SLC35F1: variants seen among roughly 807,000 people sequenced by gnomAD.
The protein encoded by SLC35F1 is chromosome 6 open reading frame 169.
A neutral mutation model predicts 48.7 loss-of-function variants in SLC35F1; 14 were observed. The ratio of observed to expected loss-of-function variants is 0.29; its 90% confidence interval spans 0.19 to 0.45. SLC35F1 has a LOEUF of 0.45. SLC35F1 is among the 20% of genes least tolerant of loss of function. The probability of loss-of-function intolerance (pLI) is 1.00; values close to 1 mark genes in which losing one functional copy is unlikely to be tolerated. For missense variants in SLC35F1, 404 were observed against 500.0 expected (o/e 0.81, Z 1.83); for synonymous variants, 190 against 202.2 (o/e 0.94, Z 0.51).
At chr6:118,312,655 C>A (rs1342749493) in intron 7 of SLC35F1, among the ~76,000 whole-genome samples, 2 of 152,098 alleles carry the variant, frequency 1.3e-5, no homozygotes, top group African/African-American at 4.8e-5. Context: ...TCCCTCACTA[C>A]TGCAAAAAGA....
At chr6:117,999,568 G>GAAAAAAAAA (rs35917912) in intron 1 of SLC35F1, 1 of 395,944 alleles carries the variant, frequency 2.5e-6, no homozygotes. Context: ...CCTGAGGCAG[G>GAAAAAAAAA]AAAAAAAAAA....
At chr6:118,288,898 A>T (rs879730491) in intron 7 of SLC35F1, among the ~76,000 whole-genome samples, 3 of 152,166 alleles carry the variant, frequency 2.0e-5, no homozygotes, top group Admixed American at 6.5e-5. Context: ...AAAACCCCAC[A>T]AAACGGTAGT....
At chr6:118,309,948 A>C (rs1488185530) in intron 7 of SLC35F1, among the ~76,000 whole-genome samples, 1 of 152,200 alleles carries the variant, frequency 6.6e-6, no homozygotes, top group South Asian at 2.1e-4. Context: ...GATTTTCATT[A>C]TGTGCAGTGA....
At chr6:117,915,638 G>A (rs920458162) in intron 1 of SLC35F1, among the ~76,000 whole-genome samples, 6 of 152,152 alleles carry the variant, frequency 3.9e-5, no homozygotes, top group African/African-American at 1.4e-4. Flanking sequence ...TTTGTAGGAT[G>A]GGATCAGATA....
chr6:118,223,108 C>T (rs539872416), intron 2 of SLC35F1, among the ~76,000 whole-genome samples: 1 of 152,168 alleles, frequency 6.6e-6, no homozygotes, highest in Admixed American at 6.5e-5. Flanking sequence ...TAAAATGCTG[C>T]TTTTCTACTG....
intron 1 of SLC35F1, among the ~76,000 whole-genome samples, chr6:117,944,572 C>G (rs1776270259): frequency 7.2e-6 from 1 of 139,762 alleles, no homozygotes; most frequent in South Asian, 2.4e-4. Flanking sequence ...TCCCCCTCTC[C>G]CAAAACACAC....
intron 1 of SLC35F1, among the ~76,000 whole-genome samples, chr6:118,087,220 G>A (rs1773004393): frequency 6.6e-6 from 1 of 152,026 alleles, no homozygotes. Context: ...TTCTCCTTGT[G>A]TCTTCACATC....
intron 1 of SLC35F1, among the ~76,000 whole-genome samples, chr6:118,061,337 G>A (rs556280843): frequency 1.3e-5 from 2 of 152,254 alleles, no homozygotes; most frequent in South Asian, 4.2e-4. Context: ...AGTTTTAGAG[G>A]AAATAGATGG....
chr6:118,085,901 T>C (rs1341739638), intron 1 of SLC35F1, among the ~76,000 whole-genome samples: 8 of 152,124 alleles, frequency 5.3e-5, no homozygotes, highest in Non-Finnish European at 1.2e-4. Context: ...TATTTTTTCA[T>C]AGTGGTTCTA....
chr6:118,158,959 G>A (rs1227050261), intron 2 of SLC35F1, among the ~76,000 whole-genome samples: 1 of 152,132 alleles, frequency 6.6e-6, no homozygotes, highest in Non-Finnish European at 1.5e-5. Context: ...GGTGGCTCAT[G>A]CCTGTAATCC....
intron 2 of SLC35F1, among the ~76,000 whole-genome samples, chr6:118,234,942 A>T (rs753424469): frequency 6.6e-6 from 1 of 152,198 alleles, no homozygotes; most frequent in Non-Finnish European, 1.5e-5. Context: ...GTGTTGTCAA[A>T]TGGCACTCTT....
chr6:118,199,669 A>T (rs1350674839), intron 2 of SLC35F1, among the ~76,000 whole-genome samples: 1 of 152,186 alleles, frequency 6.6e-6, no homozygotes, highest in Non-Finnish European at 1.5e-5. Context: ...TATGGTTGCA[A>T]AACTGGTAAA....
At chr6:118,135,552 A>G (rs1773782000) in intron 1 of SLC35F1, among the ~76,000 whole-genome samples, 1 of 152,150 alleles carries the variant, frequency 6.6e-6, no homozygotes, top group African/African-American at 2.4e-5. Flanking sequence ...CCAGCCCTTC[A>G]TTTGGCTTGG....
chr6:118,224,481 A>G (rs1296464076), intron 2 of SLC35F1, among the ~76,000 whole-genome samples: 1 of 151,952 alleles, frequency 6.6e-6, no homozygotes, highest in African/African-American at 2.4e-5. Flanking sequence ...TGCAATCTCC[A>G]CCTCCCAAGC....
intron 1 of SLC35F1, among the ~76,000 whole-genome samples, chr6:117,977,788 G>A (rs1776724151): frequency 6.6e-6 from 1 of 151,906 alleles, no homozygotes; most frequent in South Asian, 2.1e-4. Context: ...TGTGGTTTTG[G>A]TCATTGATTT....
intron 1 of SLC35F1, among the ~76,000 whole-genome samples, chr6:117,996,936 C>T (rs1431520773): frequency 6.6e-6 from 1 of 152,160 alleles, no homozygotes; most frequent in Non-Finnish European, 1.5e-5. Flanking sequence ...ATGACTTTGA[C>T]GAGTTGAGAG....
intron 1 of SLC35F1, among the ~76,000 whole-genome samples, chr6:118,103,316 C>T (rs559825677): frequency 2.2e-4 from 34 of 152,192 alleles, no homozygotes; most frequent in African/African-American, 6.3e-4. Flanking sequence ...ATGTGCACAA[C>T]GTGCAGGTTT....
At chr6:117,966,153 CG>C (rs1776565819) in intron 1 of SLC35F1, among the ~76,000 whole-genome samples, 2 of 134,772 alleles carry the variant, frequency 1.5e-5, no homozygotes, top group African/African-American at 5.8e-5. Context: ...ACTCCCGCCC[CG>C]CCCCAAGCAG....
In SLC35F1 at chr6:118,035,554, C is replaced by T. The variant is rs182256990; in HGVS notation, c.174-118891C>T. On this transcript the variant is annotated intron_variant, in intron 1 of 7. Coordinates refer to ENST00000360388, the MANE Select transcript of SLC35F1 (RefSeq NM_001029858.4). ...GCTTGAACCTGGGAGGCAGAGGTTG[C>T]AGTGAGCTGAGATCGTGCCAGTGCA... Among the ~76,000 whole-genome samples, 414 of 150,378 alleles carry T rather than the reference C, an allele frequency of 2.8e-3. 1 individual carries two copies. The highest frequency in any genetic ancestry group is 9.6e-3 in the African/African-American group (394 of 41,036).
Sources: allele counts gnomAD v4.1 joint callset (sites outside exome capture counted in the v4.1 genomes callset), GRCh38; gene constraint gnomAD v4.1.1; transcripts MANE v1.5; gene names NCBI Gene and HGNC (gene_info 2026-07-23, HGNC 2026-07-21).